The following ERMP1 variants were observed in gnomAD, a reference collection of about 807,000 sequenced individuals.
The protein encoded by ERMP1 is Felix-ina.
Under a neutral mutation model 92.0 loss-of-function variants are expected in ERMP1, and 86 were observed. That is an observed-to-expected ratio of 0.93 (90% CI 0.79 to 1.12). The LOEUF is 1.12. Ranked by LOEUF, ERMP1 falls within the 50% of genes most tolerant of loss-of-function variation. ERMP1 has a pLI of 0.00. For synonymous variants in ERMP1, 530 were observed against 412.8 expected (o/e 1.28, Z -3.44); for missense variants, 1,342 against 1,116.3 (o/e 1.20, Z -2.88).
chr9:5,798,268 G>C (rs2760408), intron 12 of ERMP1, among the ~76,000 whole-genome samples: 9,950 of 152,050 alleles, frequency 0.065, 1,035 homozygotes, highest in African/African-American at 0.22. Context: ...CCAGGCTGGA[G>C]TGAAATGGCG....
chr9:5,787,299 C>G lies in ERMP1; in HGVS notation c.2560G>C (p.Glu854Gln). The G allele has an allele frequency of 6.2e-7, 1 of 1,610,906 alleles. No homozygotes were observed. The highest frequency in any genetic ancestry group is 8.5e-7 in the Non-Finnish European group (1 of 1,178,256). The change falls in exon 15 of 15, where the codon GAA (glutamate) becomes CAA (glutamine). Residue 854 changes from glutamate to glutamine, a missense_variant. Transcript: ENST00000339450. ...QFWIEVQVSEEHPEGMVTVAI... is the reference protein window; with the variant it reads ...QFWIEVQVSEQHPEGMVTVAI... Reference sequence around the variant, plus strand: ...ACGGTGACCATTCCTTCAGGATGTTCTTCTGAAACCTGCCAGAGAAAATCA... The same window carrying G: ...ACGGTGACCATTCCTTCAGGATGTTGTTCTGAAACCTGCCAGAGAAAATCA...
intron 3 of ERMP1, among the ~76,000 whole-genome samples, chr9:5,824,358 G>A (rs906209053): frequency 9.2e-5 from 14 of 152,158 alleles, no homozygotes; most frequent in Admixed American, 7.2e-4. Flanking sequence ...AAGATCACCC[G>A]AGCTCAGGAG....
At chr9:5,841,066 A>G (rs1830157225) in intron 6 of ERMP1, among the ~76,000 whole-genome samples, 1 of 152,250 alleles carries the variant, frequency 6.6e-6, no homozygotes, top group South Asian at 2.1e-4. Flanking sequence ...GGAATGTAAC[A>G]TTCATACCCT....
In ERMP1 at chr9:5,856,309, C is replaced by T. The variant is rs930430516; in HGVS notation, n.3199+3159G>A. 6 of 239,566 alleles carry T rather than the reference C, an allele frequency of 2.5e-5. No homozygotes were observed. The Admixed American group carries it at 2.9e-4, about 11-fold the overall frequency. 14.8% of individuals were successfully genotyped at this position (239,566 alleles called of 1,614,324 possible). ...TATTGTTTTGCCATGTCAGTAACTT[C>T]GGTGTTGGCCTTGGTGTTCTCCCGC... On this transcript the variant is annotated intron_variant and non_coding_transcript_variant, in intron 6 of 6. Coordinates refer to the ERMP1 transcript ENST00000690753.
intron 4 of ERMP1, among the ~76,000 whole-genome samples, chr9:5,817,922 A>C (rs888599622): frequency 6.6e-6 from 1 of 152,258 alleles, no homozygotes; most frequent in African/African-American, 2.4e-5. Context: ...AAGCCAAGTA[A>C]CATGAGGCCT....
chr9:5,801,186 A>G lies in ERMP1; in HGVS notation c.2057T>C (p.Val686Ala), dbSNP rs776214299. 13 of 1,610,862 alleles carry G rather than the reference A, an allele frequency of 8.1e-6. No homozygotes were observed. The highest frequency in any genetic ancestry group is 1.0e-5 in the Non-Finnish European group (12 of 1,178,878). ...SNPANPKPKRVFLQHMTRTFH... is the reference protein window; with the variant it reads ...SNPANPKPKRAFLQHMTRTFH... ...TGCAAAACTGCTCACCTGAAGAAAC[A>G]CTCTCTTTGGCTTCGGATTAGCAGG... The change falls in exon 11 of 15, where the codon GTG becomes GCG. Residue 686 changes from valine to alanine, a missense_variant. Val to Ala is a moderately conservative substitution (Grantham distance 64). Transcript: ENST00000339450.
At chr9:5,797,677 G>GCT in intron 13 of ERMP1, 140 bp downstream of exon 13, 1 of 623,588 alleles carries the variant, frequency 1.6e-6, no homozygotes, top group Non-Finnish European at 2.8e-6. Context: ...GTCATAACCA[G>GCT]CTTCAATTGA....
At chr9:5,855,923 C>A in intron 6 of ERMP1, 2 of 242,142 alleles carry the variant, frequency 8.3e-6, no homozygotes, top group South Asian at 1.1e-4. Flanking sequence ...TTGCCACAAC[C>A]TTGTACTGTC....
At chr9:5,833,132 A>C, upstream of ERMP1, 3 of 1,070,328 alleles carry the variant, frequency 2.8e-6, no homozygotes, top group South Asian at 3.8e-5. Flanking sequence ...AGCGGACGGA[A>C]ACTGCAGAGG....
upstream of ERMP1, among the ~76,000 whole-genome samples, chr9:5,834,124 GCTT>G (rs1200462875): frequency 3.3e-5 from 5 of 152,180 alleles, no homozygotes; most frequent in South Asian, 2.1e-4. Flanking sequence ...ACACCAGGAT[GCTT>G]CTTATTTCCA....
At chr9:5,823,568 A>G (rs1285332630) in intron 4 of ERMP1, among the ~76,000 whole-genome samples, 1 of 152,224 alleles carries the variant, frequency 6.6e-6, no homozygotes, top group African/African-American at 2.4e-5. Context: ...GTGAAACCTT[A>G]GGCAAGTTAT....
At chr9:5,849,932 C>T (rs2129754011) in intron 6 of ERMP1, among the ~76,000 whole-genome samples, 1 of 152,306 alleles carries the variant, frequency 6.6e-6, no homozygotes, top group South Asian at 2.1e-4. Context: ...AGCAAGCAGA[C>T]TCGAAATTAA....
chr9:5,797,716 G>T, intron 13 of ERMP1, 101 bp downstream of exon 13: 1 of 718,592 alleles, frequency 1.4e-6, no homozygotes. Context: ...CTCTTCCTAA[G>T]TTGCTGGTTC....
At chr9:5,857,293 A>G (rs1165935515) in intron 6 of ERMP1, among the ~76,000 whole-genome samples, 2 of 152,184 alleles carry the variant, frequency 1.3e-5, no homozygotes, top group African/African-American at 2.4e-5. Flanking sequence ...AAGTGCTGGG[A>G]TTACAGGCAT....
At chr9:5,855,020 C>G (rs1281642140) in intron 6 of ERMP1, among the ~76,000 whole-genome samples, 2 of 152,190 alleles carry the variant, frequency 1.3e-5, no homozygotes, top group African/African-American at 4.8e-5. Context: ...ATAACACCCT[C>G]TTTCATAGCT....
Position 5,833,077 on chromosome 9 carries a change from C to A in ERMP1, c.-50G>T. ...CAACCGCCCCAACCCGCGACAGCCC[C>A]GGCCGCCGCCGACGCCGCCGTCGCT... On this transcript the variant is annotated 5_prime_UTR_variant, in exon 1 of 15. Transcript: ENST00000339450. 7.2e-7 allele frequency: 1 copy of A among 1,384,692 alleles called. No homozygotes were observed. Among genetic ancestry groups the A allele is most frequent in the South Asian group, 1.6e-5 (1 of 61,180 alleles). The allele number at this position is 1,384,692 out of a possible 1,614,324, so 85.8% of individuals were successfully genotyped here. A position where few individuals can be genotyped will look rare whatever the true frequency, so the allele number is the denominator to read the frequency against.
chr9:5,843,381 A>G (rs1830190127), intron 6 of ERMP1, among the ~76,000 whole-genome samples: 1 of 152,240 alleles, frequency 6.6e-6, no homozygotes, highest in Non-Finnish European at 1.5e-5. Flanking sequence ...TTGTGTGCCA[A>G]AGAAAATAGG....
intron 5 of ERMP1, among the ~76,000 whole-genome samples, chr9:5,861,203 G>A (rs983739471): frequency 5.5e-5 from 8 of 145,946 alleles, no homozygotes; most frequent in Non-Finnish European, 1.2e-4. Flanking sequence ...GTGTGTGTGT[G>A]TGTGTGTGTG....
At chr9:5,802,571 A>G (rs190565101) in intron 10 of ERMP1, among the ~76,000 whole-genome samples, 1 of 152,268 alleles carries the variant, frequency 6.6e-6, no homozygotes, top group East Asian at 1.9e-4. Context: ...TTTTTAGTAC[A>G]GACAGGGTTT....
Sources: allele counts gnomAD v4.1 joint callset (sites outside exome capture counted in the v4.1 genomes callset), GRCh38; gene constraint gnomAD v4.1.1; transcripts MANE v1.5; gene names NCBI Gene and HGNC (gene_info 2026-07-23, HGNC 2026-07-21).